Variants in GAB2 observed in about 807,000 individuals in gnomAD.
GAB2 encodes GRB2-associated-binding protein 2.
A neutral mutation model predicts 65.5 loss-of-function variants in GAB2; 26 were observed. That is an observed-to-expected ratio of 0.40 (90% confidence interval 0.29 to 0.55). The LOEUF is 0.55. GAB2 is among the 20% of genes least tolerant of loss of function. GAB2 has a pLI of 0.53. For synonymous variants in GAB2, 321 were observed against 329.6 expected, an observed-to-expected ratio of 0.97 and a Z score of 0.28; for missense variants, 884 against 875.8, an observed-to-expected ratio of 1.01 and a Z score of -0.12.
At chr11:78,338,277 T>C (rs1856035831) in intron 1 of GAB2, among the ~76,000 whole-genome samples, 1 of 152,214 alleles carries the variant, frequency 6.6e-6, no homozygotes, top group Admixed American at 6.5e-5. Context: ...TTTACTTTCC[T>C]GGTAACTGGA....
At chr11:78,364,900 AAT>A (rs557790864) in intron 1 of GAB2, among the ~76,000 whole-genome samples, 6 of 151,950 alleles carry the variant, frequency 3.9e-5, no homozygotes, top group African/African-American at 1.4e-4. Flanking sequence ...CCTTTTTAAA[AAT>A]ATATATATAT....
At position 78,250,151 on chromosome 11, in the gene GAB2, T is replaced by TA; in HGVS notation, c.620+5_620+6insT. The stretch of plus-strand genomic sequence containing the variant: ...AACCCACCTAATGGCTGTGGCAGCC[T>TA]CCTACCTTGCATTTTCTGCTCTTCG... On this transcript the variant is annotated splice_donor_region_variant and intron_variant, in intron 3 of 9. Coordinates refer to ENST00000361507, the MANE Select transcript of GAB2 (RefSeq NM_080491.3). 1 of 1,612,280 alleles carries TA rather than the reference T, an allele frequency of 6.2e-7. No homozygotes were observed. Among genetic ancestry groups the TA allele is most frequent in the Non-Finnish European group, 8.5e-7 (1 of 1,179,848 alleles).
chr11:78,293,862 C>T (rs553339295), intron 1 of GAB2, among the ~76,000 whole-genome samples: 80 of 152,028 alleles, frequency 5.3e-4, no homozygotes, highest in African/African-American at 1.9e-3. Flanking sequence ...TGAGGGAGAG[C>T]GAGAGCATGC....
At chr11:78,400,175 T>C (rs189468675) in intron 1 of GAB2, among the ~76,000 whole-genome samples, 58 of 152,312 alleles carry the variant, frequency 3.8e-4, no homozygotes, top group African/African-American at 1.3e-3. Context: ...GGAATTTTAC[T>C]GGCCCCACAC....
Position 78,297,478 on chromosome 11 carries a change from A to C in GAB2, c.76-16577T>G, listed in dbSNP as rs934759799. The stretch of plus-strand genomic sequence containing the variant: ...TCATAAGCAATACTGGGTGTGAGGG[A>C]GTGTGTGTGTTTTGAAGGACCCAGG... On this transcript the variant is annotated intron_variant, in intron 1 of 9. Coordinates refer to ENST00000361507, the MANE Select transcript of GAB2 (RefSeq NM_080491.3). 3.3e-5 allele frequency among the ~76,000 whole-genome samples: 5 copies of C among 152,138 alleles called. No homozygotes were observed. In the South Asian group the frequency reaches 1.0e-3, roughly 32 times the overall value.
chr11:78,398,964 G>C (rs980464196), intron 1 of GAB2, among the ~76,000 whole-genome samples: 12 of 152,114 alleles, frequency 7.9e-5, no homozygotes, highest in African/African-American at 2.9e-4. Context: ...TTTCAATAAG[G>C]ATAACAACTC....
At chr11:78,305,561 C>T (rs1427234127) in intron 1 of GAB2, among the ~76,000 whole-genome samples, 1 of 152,108 alleles carries the variant, frequency 6.6e-6, no homozygotes, top group Non-Finnish European at 1.5e-5. Flanking sequence ...TCAGAGTTGC[C>T]TCTTTGTGTG....
chr11:78,345,694 T>A (rs896470184), intron 1 of GAB2, among the ~76,000 whole-genome samples: 1 of 152,168 alleles, frequency 6.6e-6, no homozygotes, highest in East Asian at 1.9e-4. Context: ...AAATGTTAAT[T>A]TGAGAGTCCA....
intron 9 of GAB2, among the ~76,000 whole-genome samples, chr11:78,219,944 G>A (rs1001440482): frequency 2.0e-5 from 3 of 152,114 alleles, no homozygotes; most frequent in South Asian, 2.1e-4. Context: ...CTGATGTATC[G>A]ACGGCAGGGC....
In GAB2 at chr11:78,229,970, C is replaced by T. The variant is rs373712208; in HGVS notation, c.621-2919G>A. On this transcript the variant is annotated intron_variant, in intron 3 of 9. Coordinates refer to ENST00000361507, the MANE Select transcript of GAB2 (RefSeq NM_080491.3). Reference sequence around the variant, plus strand: ...TTGCTTAACTTAATCACTTGCTTAACTTTGTTCTTGGAGCAGGTAGCAAGT... The same window carrying T: ...TTGCTTAACTTAATCACTTGCTTAATTTTGTTCTTGGAGCAGGTAGCAAGT... 7.2e-5 allele frequency among the ~76,000 whole-genome samples: 11 copies of T among 152,318 alleles called. No homozygotes were observed. In the South Asian group the frequency reaches 1.9e-3, roughly 26 times the overall value.
intron 1 of GAB2, among the ~76,000 whole-genome samples, chr11:78,340,035 C>T (rs1386618066): frequency 6.6e-6 from 1 of 152,130 alleles, no homozygotes; most frequent in Non-Finnish European, 1.5e-5. Context: ...TTCCTGACTG[C>T]ACCAGGTGTG....
chr11:78,378,584 A>T (rs756814189), intron 1 of GAB2, among the ~76,000 whole-genome samples: 4 of 152,210 alleles, frequency 2.6e-5, no homozygotes, highest in East Asian at 1.9e-4. Context: ...CCCTGACTGC[A>T]TATCTGTGAT....
At chr11:78,242,612 A>G (rs1425851658) in intron 3 of GAB2, among the ~76,000 whole-genome samples, 1 of 152,256 alleles carries the variant, frequency 6.6e-6, no homozygotes, top group Non-Finnish European at 1.5e-5. Flanking sequence ...GTATTAATAG[A>G]GAAGTTTATG....
intron 3 of GAB2, among the ~76,000 whole-genome samples, chr11:78,238,206 CA>C (rs10541492): frequency 0.58 from 61,318 of 105,582 alleles, 15,737 homozygotes; most frequent in Non-Finnish European, 0.66. Flanking sequence ...AGGGAAGAAA[CA>C]AAAAAAAAAA....
intron 1 of GAB2, among the ~76,000 whole-genome samples, chr11:78,339,684 G>A (rs931409459): frequency 6.6e-6 from 1 of 152,184 alleles, no homozygotes; most frequent in Non-Finnish European, 1.5e-5. Context: ...GAAAGTGTAA[G>A]ATATGTTCTT....
At chr11:78,376,896 G>T (rs1321767265) in intron 1 of GAB2, among the ~76,000 whole-genome samples, 2 of 152,216 alleles carry the variant, frequency 1.3e-5, no homozygotes, top group African/African-American at 4.8e-5. Context: ...CTTGGTGGAA[G>T]GTGTTTAGAT....
At chr11:78,274,020 T>C (rs1024524186) in intron 2 of GAB2, among the ~76,000 whole-genome samples, 1 of 152,160 alleles carries the variant, frequency 6.6e-6, no homozygotes, top group African/African-American at 2.4e-5. Context: ...TTTTGTTTTG[T>C]TTTTGTAAAT....
In GAB2 at chr11:78,281,111, G is replaced by A. The variant is rs1220879737; in HGVS notation, c.76-210C>T. On this transcript the variant is annotated intron_variant, in intron 1 of 9. Coordinates refer to ENST00000361507, the MANE Select transcript of GAB2 (RefSeq NM_080491.3). ...TGGGACTACAGACGCACATCACCAC[G>A]CCCAGCTAATTAAAACATTTTTTTG... Among the ~76,000 whole-genome samples the A allele has an allele frequency of 4.6e-5, 7 of 152,166 alleles. No homozygotes were observed. The South Asian group carries it at 8.3e-4, about 18-fold the overall frequency.
Position 78,417,613 on chromosome 11 carries a change from C to G in GAB2, c.75+33G>C, listed in dbSNP as rs779879440. 6 of 1,246,634 alleles carry G rather than the reference C, an allele frequency of 4.8e-6. No individual in the cohort carries two copies. In the Admixed American group the frequency reaches 1.2e-4, roughly 24 times the overall value. 77.2% of individuals were successfully genotyped at this position (1,246,634 alleles called of 1,614,324 possible). On this transcript the variant is annotated intron_variant, in intron 1 of 9. Coordinates refer to ENST00000361507, the MANE Select transcript of GAB2 (RefSeq NM_080491.3). The stretch of plus-strand genomic sequence containing the variant: ...CCTCCGCAGGCCCCGGAGCGCCCCC[C>G]GCCCGCCCCTGGGCGGCCGCGCCCG...
Sources: gnomAD v4.1 joint callset for allele counts (sites outside exome capture counted in the v4.1 genomes callset) on GRCh38, gnomAD v4.1.1 for gene constraint, MANE v1.5 for transcripts, NCBI Gene and HGNC (gene_info 2026-07-23, HGNC 2026-07-21) for gene names.